FRY: variants seen among roughly 807,000 people sequenced by gnomAD.
The protein encoded by FRY is FRY microtubule binding protein, also known as protein furry homolog.
FRY carries 128 observed loss-of-function variants against 348.4 expected under a neutral mutation model. The ratio of observed to expected loss-of-function variants is 0.37; its 90% confidence interval spans 0.32 to 0.43. The LOEUF is 0.43. Among genes scored for constraint, FRY ranks in the 20% least tolerant of loss-of-function variants. The pLI is 1.00. For synonymous variants in FRY, 1,370 were observed against 1,374.7 expected, an observed-to-expected ratio of 1.00 and a Z score of 0.08; for missense variants, 2,736 against 3,695.2, an observed-to-expected ratio of 0.74 and a Z score of 6.73.
chr13:32,068,342 GA>G (rs1329858528), intron 1 of FRY, among the ~76,000 whole-genome samples: 1 of 152,166 alleles, frequency 6.6e-6, no homozygotes. Context: ...CTCTTAGGGA[GA>G]AAAAGGAAGT....
intron 3 of FRY, among the ~76,000 whole-genome samples, chr13:32,113,987 G>A (rs1878138864): frequency 6.6e-6 from 1 of 152,066 alleles, no homozygotes; most frequent in Non-Finnish European, 1.5e-5. Flanking sequence ...TTTAATGGGG[G>A]AGAAAAAAAT....
chr13:32,244,161 G>A lies in FRY; in HGVS notation c.6807G>A (p.Lys2269=), dbSNP rs1438995076. Residue 2269 remains lysine (K), a synonymous_variant, in exon 47 of 61, where the codon AAG becomes AAA. Transcript: ENST00000542859. ...AACAGTTCAATGTGGAAGTTCTGAA[G>A]ACAATTGAAAAATATGTGCAAGTGA... is the stretch of plus-strand genomic sequence containing the variant. The part of the protein sequence containing the change: ...PVKQFNVEVL[K]TIEKYVQSVH... The A allele has an allele frequency of 3.1e-6, 5 of 1,613,908 alleles. No homozygotes were observed. The highest frequency in any genetic ancestry group is 1.1e-5 in the South Asian group (1 of 91,080).
chr13:32,183,762 CAAGACTCTGTCTCCAAAAA>C (rs1882855263), intron 24 of FRY, among the ~76,000 whole-genome samples: 1 of 91,340 alleles, frequency 1.1e-5, no homozygotes, highest in Admixed American at 1.6e-4. Context: ...GGTGACAGAG[CAAGACTCTGTCTCCAAAAA>C]AAAAAAAAAA....
In FRY at chr13:32,135,120, A is replaced by T. The variant is rs1344174288; in HGVS notation, c.1014A>T (p.Arg338Ser). The change falls in exon 10 of 61, where the codon AGA (arginine) becomes AGT (serine). Residue 338 changes from arginine to serine, a missense_variant. By Grantham distance (110) the Arg-to-Ser change is moderately radical. Around this residue, in one of 9 missense-constraint regions of FRY, gnomAD observed 309 missense variants for 418.1 expected, o/e 0.74. Transcript: ENST00000542859. ...ATGAAGTAAATGTTCCCTGCCTTAG[A>T]AATTTTGTGGAAAGCCTGTATGACA... is the stretch of plus-strand genomic sequence containing the variant. Reference protein sequence around the residue: ...VKNEVNVPCLRNFVESLYDTT... With the variant: ...VKNEVNVPCLSNFVESLYDTT... 1 of 1,612,986 alleles carries T rather than the reference A, an allele frequency of 6.2e-7. No homozygotes were observed. The highest frequency in any genetic ancestry group is 8.5e-7 in the Non-Finnish European group (1 of 1,178,966).
At chr13:32,200,431 G>C (rs1284272218) in intron 29 of FRY, among the ~76,000 whole-genome samples, 1 of 152,110 alleles carries the variant, frequency 6.6e-6, no homozygotes, top group Non-Finnish European at 1.5e-5. Context: ...CCGTTTAATA[G>C]TTCAACTCAA....
chr13:32,141,510 C>T (rs1404909005), intron 11 of FRY, among the ~76,000 whole-genome samples: 1 of 152,068 alleles, frequency 6.6e-6, no homozygotes, highest in African/African-American at 2.4e-5. Flanking sequence ...AGGTCTTTAC[C>T]TTAACATACA....
intron 1 of FRY, among the ~76,000 whole-genome samples, chr13:32,049,383 G>C (rs1873198706): frequency 6.6e-6 from 1 of 152,182 alleles, no homozygotes. Context: ...GAGCATGGAA[G>C]GATCTGCCGA....
At chr13:32,067,209 T>A (rs1874312457) in intron 1 of FRY, among the ~76,000 whole-genome samples, 1 of 152,164 alleles carries the variant, frequency 6.6e-6, no homozygotes, top group African/African-American at 2.4e-5. Flanking sequence ...CCCTTTCTCT[T>A]CCCTACGTAT....
At chr13:32,170,942 T>C (rs1355082969) in intron 17 of FRY, 70 bp from the exon 18 acceptor site, 23 of 1,127,100 alleles carry the variant, frequency 2.0e-5, no homozygotes, top group Non-Finnish European at 9.5e-6. Flanking sequence ...TAATATCTAT[T>C]AATCCTTGTT....
At chr13:32,054,630 T>G (rs765378383) in intron 1 of FRY, among the ~76,000 whole-genome samples, 9 of 152,052 alleles carry the variant, frequency 5.9e-5, no homozygotes, top group Non-Finnish European at 5.9e-5. Context: ...TCCCAGCACT[T>G]TGGGAGGCCG....
chr13:32,208,891 C>T lies in FRY; in HGVS notation c.4057C>T (p.Arg1353Cys), dbSNP rs746157649. The T allele has an allele frequency of 8.1e-6, 13 of 1,614,052 alleles. No homozygotes were observed. The highest frequency in any genetic ancestry group is 3.3e-5 in the South Asian group (3 of 91,092). Reference protein sequence around the residue: ...QRFPTTHPNGRQIMLTYLLPW... With the variant: ...QRFPTTHPNGCQIMLTYLLPW... ...ATTCCCCACAACACACCCCAACGGG[C>T]GCCAGATCATGCTTACCTACCTGCT... Residue 1353 changes from arginine to cysteine, a missense_variant, in exon 32 of 61, where the codon CGC becomes TGC. This residue lies in a region of FRY where 794 missense variants were observed against 977.0 expected (regional missense o/e 0.81). Transcript: ENST00000542859.
chr13:32,124,637 T>C lies in FRY; in HGVS notation c.591T>C (p.His197=). The change falls in exon 6 of 61, where the codon CAT becomes CAC. Residue 197 remains histidine (H), a synonymous_variant. Transcript: ENST00000542859. The part of the protein sequence containing the change: ...PLHPVIDSLI[H]DVINLAFKHF... ...ATCCTGTAATAGACAGTTTAATACA[T>C]GATGTTATTAACTTGGCTTTCAAGC... 1 of 1,597,130 alleles carries C rather than the reference T, an allele frequency of 6.3e-7. No individual in the cohort carries two copies. The highest frequency in any genetic ancestry group is 1.3e-5 in the African/African-American group (1 of 74,726).
chr13:32,142,159 T>C (rs1880114123), intron 11 of FRY, among the ~76,000 whole-genome samples: 1 of 152,218 alleles, frequency 6.6e-6, no homozygotes, highest in Admixed American at 6.5e-5. Context: ...AGAAGTGCTG[T>C]CTTCAAGTAG....
chr13:32,049,793 C>T (rs1873227287), intron 1 of FRY, among the ~76,000 whole-genome samples: 2 of 152,080 alleles, frequency 1.3e-5, no homozygotes, highest in Non-Finnish European at 2.9e-5. Flanking sequence ...GTAGAATTGT[C>T]AGAGTTTGGT....
intron 29 of FRY, among the ~76,000 whole-genome samples, chr13:32,197,113 A>G (rs1035576418): frequency 1.3e-5 from 2 of 152,172 alleles, no homozygotes; most frequent in East Asian, 1.9e-4. Flanking sequence ...CTTCCAACAC[A>G]CTTTTAAAAC....
At position 32,264,864 on chromosome 13, in the gene FRY, G is replaced by C. The variant is rs2138556110; in HGVS notation, c.7780-586G>C. Among the ~76,000 whole-genome samples the C allele has an allele frequency of 2.0e-5, 3 of 152,334 alleles. 1 individual carries two copies. Among genetic ancestry groups the C allele is most frequent in the Admixed American group, 2.0e-4 (3 of 15,298 alleles). On this transcript the variant is annotated intron_variant, in intron 53 of 60. Coordinates refer to ENST00000542859, the MANE Select transcript of FRY (RefSeq NM_023037.3). The stretch of plus-strand genomic sequence containing the variant: ...GAGCAACCCAGCAGGCTCAGGGAAG[G>C]ACTCTGGATCACTCGTGCATACCAC...
chr13:32,272,880 T>C (rs206083), intron 55 of FRY, among the ~76,000 whole-genome samples: 122,733 of 151,406 alleles, frequency 0.81, 50,642 homozygotes, highest in Middle Eastern at 0.91. Context: ...GGATTACAGG[T>C]ACACACCACC....
intron 7 of FRY, 23 bp from the exon 8 acceptor site, chr13:32,131,649 A>T: frequency 6.3e-7 from 1 of 1,599,032 alleles, no homozygotes; most frequent in Non-Finnish European, 8.6e-7. Context: ...ATATTTGATA[A>T]ACCACTTATG....
At chr13:32,282,496 T>C (rs1443293195) in intron 58 of FRY, among the ~76,000 whole-genome samples, 1 of 152,230 alleles carries the variant, frequency 6.6e-6, no homozygotes, top group Non-Finnish European at 1.5e-5. Context: ...TGAATAAAGA[T>C]ATCAGTCTGT....
Sources: gnomAD v4.1 joint callset for allele counts (sites outside exome capture counted in the v4.1 genomes callset) on GRCh38, gnomAD v4.1.1 for gene constraint, gnomAD v4.1.1 regional missense constraint, MANE v1.5 for transcripts, NCBI Gene and HGNC (gene_info 2026-07-23, HGNC 2026-07-21) for gene names.